The following SYNE2 variants were observed in gnomAD, a reference collection of about 807,000 sequenced individuals.
SYNE2 encodes nesprin-2.
SYNE2 carries 431 observed loss-of-function variants against 856.3 expected under a neutral mutation model. That is an observed-to-expected ratio of 0.50 (90% confidence interval 0.47 to 0.55). The LOEUF is 0.55. SYNE2 is among the 20% of genes least tolerant of loss of function. SYNE2 has a pLI of 0.00. For synonymous variants in SYNE2, 2,923 were observed against 2,872.3 expected, an observed-to-expected ratio of 1.02 and a Z score of -0.56; for missense variants, 8,129 against 8,023.2, an observed-to-expected ratio of 1.01 and a Z score of -0.50.
chr14:63,818,024 C>CAAAAA (rs34186501), intron 1 of SYNE2, among the ~76,000 whole-genome samples: 121 of 64,614 alleles, frequency 1.9e-3, no homozygotes, highest in Non-Finnish European at 2.5e-3. Context: ...GACCCTTTCT[C>CAAAAA]AAAAAAAAAA....
At chr14:64,098,199 G>T (rs753570960) in intron 62 of SYNE2, 53 bp downstream of exon 62, 9 of 1,589,068 alleles carry the variant, frequency 5.7e-6, no homozygotes, top group Non-Finnish European at 7.8e-6. Context: ...GAGCATTAAT[G>T]GGTAGTGTTT....
intron 1 of SYNE2, among the ~76,000 whole-genome samples, chr14:63,778,250 T>A (rs1457073090): frequency 6.6e-6 from 1 of 152,158 alleles, no homozygotes; most frequent in Non-Finnish European, 1.5e-5. Context: ...TGCCCCGTTG[T>A]AAGATGTGCC....
At chr14:63,858,450 T>A (rs1330319371) in intron 1 of SYNE2, among the ~76,000 whole-genome samples, 3 of 151,348 alleles carry the variant, frequency 2.0e-5, no homozygotes, top group Admixed American at 2.0e-4. Flanking sequence ...AGTATCTCGC[T>A]GTGTTGCCCA....
intron 1 of SYNE2, among the ~76,000 whole-genome samples, chr14:63,878,114 T>G (rs1291282705): frequency 6.6e-6 from 1 of 152,060 alleles, no homozygotes; most frequent in Non-Finnish European, 1.5e-5. Context: ...CTTGAACTCC[T>G]GGCCTTAAGT....
chr14:64,205,247 C>T (rs928461884), intron 100 of SYNE2, among the ~76,000 whole-genome samples: 1 of 152,086 alleles, frequency 6.6e-6, no homozygotes, highest in African/African-American at 2.4e-5. Context: ...CATTATTCTG[C>T]CTACCACAGA....
chr14:63,925,848 C>CT (rs1555380742), intron 2 of SYNE2, among the ~76,000 whole-genome samples: 1 of 151,934 alleles, frequency 6.6e-6, no homozygotes, highest in Non-Finnish European at 1.5e-5. Flanking sequence ...GACTCTCATC[C>CT]TTTTTTTTCT....
chr14:64,066,238 C>T (rs1343836417), intron 51 of SYNE2, among the ~76,000 whole-genome samples: 1 of 151,988 alleles, frequency 6.6e-6, no homozygotes, highest in Non-Finnish European at 1.5e-5. Flanking sequence ...AGTGGTTCAC[C>T]TATGTAATCC....
In SYNE2 at chr14:64,006,988, GT is replaced by G; in HGVS notation, c.4398-53del. On this transcript the variant is annotated intron_variant, in intron 30 of 115. Transcript: ENST00000555002. Reference sequence around the variant, plus strand: ...GCCTCCCCAAGTTACCCATATTTGTGTTGAATCAATGGTTAACAGTTGGCTA... The same window carrying G: ...GCCTCCCCAAGTTACCCATATTTGTGTGAATCAATGGTTAACAGTTGGCTA... 2.1e-6 allele frequency: 3 copies of G among 1,418,696 alleles called. No individual in the cohort carries two copies. In the Admixed American group the frequency reaches 5.0e-5, roughly 24 times the overall value. 87.9% of individuals were successfully genotyped at this position (1,418,696 alleles called of 1,614,324 possible). A position where few individuals can be genotyped will look rare whatever the true frequency, so the allele number is the denominator to read the frequency against.
At chr14:63,856,723 C>T (rs1891837671) in intron 1 of SYNE2, among the ~76,000 whole-genome samples, 1 of 152,166 alleles carries the variant, frequency 6.6e-6, no homozygotes, top group African/African-American at 2.4e-5. Context: ...ATAATGCCCC[C>T]TTTCCTACTT....
chr14:63,859,752 G>A (rs2140137001), intron 1 of SYNE2, among the ~76,000 whole-genome samples: 1 of 152,264 alleles, frequency 6.6e-6, no homozygotes, highest in South Asian at 2.1e-4. Flanking sequence ...GGGGGTGGAG[G>A]TTACAGTGAG....
At position 64,024,114 on chromosome 14, in the gene SYNE2, C is replaced by G; in HGVS notation, c.5638-143C>G. The G allele has an allele frequency of 7.1e-6, 5 of 703,328 alleles. 1 individual carries two copies. In the South Asian group the frequency reaches 7.7e-5, roughly 11 times the overall value. The allele number at this position is 703,328 out of a possible 1,614,324, so 43.6% of individuals were successfully genotyped here. A position where few individuals can be genotyped will look rare whatever the true frequency, so the allele number is the denominator to read the frequency against. ...ATAAATCATCTGCCATTGGAGATAG[C>G]CACATCTCCATCACCCTTCTTTCGT... is the stretch of plus-strand genomic sequence containing the variant. On this transcript the variant is annotated intron_variant, in intron 38 of 115. Coordinates refer to ENST00000555002, the MANE Select transcript of SYNE2 (RefSeq NM_182914.3).
intron 1 of SYNE2, among the ~76,000 whole-genome samples, chr14:63,882,838 A>C (rs2094896644): frequency 6.6e-6 from 1 of 152,212 alleles, no homozygotes; most frequent in Non-Finnish European, 1.5e-5. Context: ...TCAGAGACAC[A>C]GTGGCTGAGC....
intron 7 of SYNE2, among the ~76,000 whole-genome samples, chr14:63,950,315 A>G (rs1210912276): frequency 6.6e-6 from 1 of 152,174 alleles, no homozygotes; most frequent in African/African-American, 2.4e-5. Flanking sequence ...GCACTTTGGG[A>G]GGCTGAGGCG....
intron 1 of SYNE2, among the ~76,000 whole-genome samples, chr14:63,908,737 A>G (rs2095438047): frequency 6.6e-6 from 1 of 152,228 alleles, no homozygotes; most frequent in Non-Finnish European, 1.5e-5. Flanking sequence ...GAAGGCTAAC[A>G]ATCACATAAC....
At chr14:64,091,126 G>C in intron 60 of SYNE2, 78 bp downstream of exon 60, 1 of 1,309,124 alleles carries the variant, frequency 7.6e-7, no homozygotes, top group East Asian at 2.4e-5. Context: ...ACTTCTAATT[G>C]AAATTCATTA....
chr14:63,821,252 T>G (rs1566589110), intron 1 of SYNE2, among the ~76,000 whole-genome samples: 2 of 152,162 alleles, frequency 1.3e-5, no homozygotes, highest in African/African-American at 4.8e-5. Flanking sequence ...TTTATACTGA[T>G]TACAGCCTGA....
intron 2 of SYNE2, among the ~76,000 whole-genome samples, chr14:63,919,747 A>G (rs1019728871): frequency 1.3e-5 from 2 of 152,304 alleles, no homozygotes; most frequent in South Asian, 4.1e-4. Context: ...AATGCCACAC[A>G]GCAGTCAAGT....
chr14:63,882,115 G>T (rs1248966866), intron 1 of SYNE2, among the ~76,000 whole-genome samples: 1 of 152,162 alleles, frequency 6.6e-6, no homozygotes, highest in Non-Finnish European at 1.5e-5. Context: ...AGCAGAGGAA[G>T]TGGAAAGTGG....
At chr14:63,825,091 C>G (rs1889371061) in intron 1 of SYNE2, among the ~76,000 whole-genome samples, 2 of 151,384 alleles carry the variant, frequency 1.3e-5, no homozygotes, top group South Asian at 4.2e-4. Context: ...CAGAGGTAGA[C>G]TGTTTCAAAA....
Sources: gnomAD v4.1 joint callset for allele counts (sites outside exome capture counted in the v4.1 genomes callset) on GRCh38, gnomAD v4.1.1 for gene constraint, MANE v1.5 for transcripts, NCBI Gene and HGNC (gene_info 2026-07-23, HGNC 2026-07-21) for gene names.